FANCC: variants seen among roughly 807,000 people sequenced by gnomAD.
The protein encoded by FANCC is Fanconi anemia group C protein.
In FANCC, 55 loss-of-function variants were observed where a neutral mutation model predicts 71.3. That is an observed-to-expected ratio of 0.77 (90% CI 0.62 to 0.97). The LOEUF is 0.97. FANCC is among the 50% of genes least tolerant of loss of function. The pLI, the probability that FANCC is intolerant of heterozygous loss-of-function variation, is 0.00. For synonymous variants in FANCC, 275 were observed against 244.9 expected (o/e 1.12, Z -1.15); for missense variants, 678 against 670.9 (o/e 1.01, Z -0.12).
At chr9:95,148,586 G>A (rs1829872669) in intron 7 of FANCC, among the ~76,000 whole-genome samples, 1 of 152,174 alleles carries the variant, frequency 6.6e-6, no homozygotes, top group African/African-American at 2.4e-5. Flanking sequence ...AGTCATTTCT[G>A]ATGAGCTCCA....
intron 7 of FANCC, among the ~76,000 whole-genome samples, chr9:95,140,723 G>A (rs1828526295): frequency 6.6e-6 from 1 of 152,158 alleles, no homozygotes; most frequent in Non-Finnish European, 1.5e-5. Context: ...CTGTTATGGA[G>A]AATTGCTTAC....
intron 1 of FANCC, among the ~76,000 whole-genome samples, chr9:95,253,689 G>T (rs986334374): frequency 6.6e-6 from 1 of 152,022 alleles, no homozygotes; most frequent in Non-Finnish European, 1.5e-5. Context: ...GGTTTTGGGG[G>T]AACAGGTGGT....
intron 4 of FANCC, among the ~76,000 whole-genome samples, chr9:95,194,089 A>G (rs2135756216): frequency 6.6e-6 from 1 of 152,170 alleles, no homozygotes; most frequent in South Asian, 2.1e-4. Context: ...TTTAAATTCC[A>G]TTGGTAATTC....
At chr9:95,293,794 A>C in intron 1 of FANCC, 1 of 1,613,976 alleles carries the variant, frequency 6.2e-7, no homozygotes, top group Non-Finnish European at 8.5e-7. Flanking sequence ...ACCTGTTTCC[A>C]GTCGGGTGGG....
intron 4 of FANCC, among the ~76,000 whole-genome samples, chr9:95,211,408 A>G (rs1828489999): frequency 6.6e-6 from 1 of 152,188 alleles, no homozygotes; most frequent in Non-Finnish European, 1.5e-5. Flanking sequence ...GTGCATATGT[A>G]GGGTACTACT....
In FANCC at chr9:95,126,524, T is replaced by A. The variant is rs1826005529; in HGVS notation, c.896+5A>T. On this transcript the variant is annotated splice_donor_5th_base_variant and intron_variant, in intron 9 of 14. Coordinates refer to ENST00000289081, the MANE Select transcript of FANCC (RefSeq NM_000136.3). The stretch of plus-strand genomic sequence containing the variant: ...AATTACTAGAAGAAACAGTGTAACG[T>A]TTACCTGAACATCTCATCAACAACC... 1 of 1,613,670 alleles carries A rather than the reference T, an allele frequency of 6.2e-7. No homozygotes were observed.
intron 4 of FANCC, among the ~76,000 whole-genome samples, chr9:95,180,686 G>A (rs1826295881): frequency 6.6e-6 from 1 of 151,302 alleles, no homozygotes; most frequent in Non-Finnish European, 1.5e-5. Flanking sequence ...ATAACAAAAA[G>A]TATAGTATGT....
intron 1 of FANCC, among the ~76,000 whole-genome samples, chr9:95,283,381 G>C (rs570725784): frequency 1.2e-3 from 177 of 152,272 alleles, no homozygotes; most frequent in Non-Finnish European, 2.2e-3. Context: ...AGTCAGCTTG[G>C]GTTACTCCAA....
intron 6 of FANCC, among the ~76,000 whole-genome samples, chr9:95,155,327 G>GAGGAAGGA (rs1233448763): frequency 3.7e-5 from 2 of 54,272 alleles, no homozygotes; most frequent in Non-Finnish European, 3.4e-5. Context: ...GAGGGGAGGG[G>GAGGAAGGA]AGGAAGGAAG....
At chr9:95,259,942 T>C (rs1285104094) in intron 1 of FANCC, among the ~76,000 whole-genome samples, 3 of 152,056 alleles carry the variant, frequency 2.0e-5, no homozygotes, top group Non-Finnish European at 4.4e-5. Flanking sequence ...TGAAAACAAG[T>C]TCATCATCAC....
At chr9:95,232,401 T>C (rs1830060424) in intron 4 of FANCC, among the ~76,000 whole-genome samples, 1 of 152,138 alleles carries the variant, frequency 6.6e-6, no homozygotes, top group Non-Finnish European at 1.5e-5. Context: ...AGGAGTAAAA[T>C]TAACTGAGGC....
Position 95,254,890 on chromosome 9 carries a change from G to C in FANCC, c.-78-5521C>G, listed in dbSNP as rs1014416437. Among the ~76,000 whole-genome samples the C allele has an allele frequency of 5.3e-5, 8 of 152,308 alleles. No individual in the cohort carries two copies. In the East Asian group the frequency reaches 1.6e-3, roughly 30 times the overall value. On this transcript the variant is annotated intron_variant, in intron 1 of 14. Transcript: ENST00000289081. ...AACCTGGGATGCTTGAGCTTGGTGG[G>C]GGGAGGGGCGTCCCCCATTACTGAG...
intron 1 of FANCC, chr9:95,316,912 C>T (rs1225716162): frequency 6.6e-6 from 1 of 152,254 alleles, no homozygotes; most frequent in East Asian, 1.9e-4. Flanking sequence ...CCTCTGCGAA[C>T]CCGCCTCCCT....
chr9:95,174,700 C>T (rs1049932870), intron 4 of FANCC, among the ~76,000 whole-genome samples: 5 of 152,036 alleles, frequency 3.3e-5, no homozygotes, highest in Non-Finnish European at 5.9e-5. Context: ...TAACACATTA[C>T]AAGATAAAAT....
At chr9:95,174,829 T>C (rs761547433) in intron 4 of FANCC, among the ~76,000 whole-genome samples, 5 of 152,152 alleles carry the variant, frequency 3.3e-5, no homozygotes, top group African/African-American at 9.6e-5. Context: ...GCAGGCTCCA[T>C]AGACCCGGGA....
At chr9:95,301,633 A>G (rs1702805419) in intron 1 of FANCC, among the ~76,000 whole-genome samples, 1 of 152,060 alleles carries the variant, frequency 6.6e-6, no homozygotes, top group African/African-American at 2.4e-5. Context: ...TATGTTGCCC[A>G]GGCTGGTCTC....
Position 95,260,588 on chromosome 9 carries a change from T to C in FANCC, c.-78-11219A>G, listed in dbSNP as rs1831969246. 4.0e-5 allele frequency among the ~76,000 whole-genome samples: 6 copies of C among 151,172 alleles called. No individual in the cohort carries two copies. The South Asian group carries it at 1.3e-3, about 32-fold the overall frequency. On this transcript the variant is annotated intron_variant, in intron 1 of 14. Transcript: ENST00000289081. ...ATACCATTAGCAGAAATACCTAATGTAGATGACAGGTTGATGGGTGCAGGA... is the reference window on the plus strand; with the variant it reads ...ATACCATTAGCAGAAATACCTAATGCAGATGACAGGTTGATGGGTGCAGGA...
intron 4 of FANCC, among the ~76,000 whole-genome samples, chr9:95,229,996 A>C (rs1466913760): frequency 1.3e-5 from 2 of 152,214 alleles, no homozygotes; most frequent in Non-Finnish European, 2.9e-5. Context: ...CAAAACAAAA[A>C]AGAACATGAA....
chr9:95,271,575 G>C (rs767107662), intron 1 of FANCC, among the ~76,000 whole-genome samples: 4 of 152,164 alleles, frequency 2.6e-5, no homozygotes, highest in Non-Finnish European at 5.9e-5. Context: ...TTGGCCTCCA[G>C]AACTGCAACA....
Sources: allele counts gnomAD v4.1 joint callset (sites outside exome capture counted in the v4.1 genomes callset), GRCh38; gene constraint gnomAD v4.1.1; transcripts MANE v1.5; gene names NCBI Gene and HGNC (gene_info 2026-07-23, HGNC 2026-07-21).